OGDH: variants seen among roughly 807,000 people sequenced by gnomAD.
OGDH encodes the protein 2-oxoglutarate dehydrogenase complex component E1.
Under a neutral mutation model 116.6 loss-of-function variants are expected in OGDH, and 38 were observed. That is an observed-to-expected ratio of 0.33 (90% CI 0.25 to 0.43). The LOEUF (loss-of-function observed/expected upper bound fraction) is 0.43, where lower values mean the gene tolerates loss of function less well. Ranked by LOEUF, OGDH falls within the 20% of genes least tolerant of loss-of-function variation. OGDH has a pLI of 1.00. For synonymous variants in OGDH, 488 were observed against 533.3 expected (o/e 0.92, Z 1.17); for missense variants, 825 against 1,357.2 (o/e 0.61, Z 6.16).
At chr7:44,630,097 T>C (rs1785375692) in intron 2 of OGDH, among the ~76,000 whole-genome samples, 2 of 152,244 alleles carry the variant, frequency 1.3e-5, no homozygotes, top group Non-Finnish European at 2.9e-5. Flanking sequence ...GTGTTTTCTA[T>C]GGGTGAAACT....
Position 44,645,315 on chromosome 7 carries a change from C to T in OGDH, c.223-12C>T. On this transcript the variant is annotated splice_polypyrimidine_tract_variant and intron_variant, in intron 2 of 22. Coordinates refer to ENST00000222673, the MANE Select transcript of OGDH (RefSeq NM_002541.4). The stretch of plus-strand genomic sequence containing the variant: ...GAGCAGTGAGGTAACCCTGTACCTT[C>T]TTTGTCTTTAGTCATGGGACATTTT... 6.2e-7 allele frequency: 1 copy of T among 1,612,994 alleles called. No homozygotes were observed. The highest frequency in any genetic ancestry group is 8.5e-7 in the Non-Finnish European group (1 of 1,179,286).
intron 10 of OGDH, among the ~76,000 whole-genome samples, chr7:44,692,406 T>C (rs1405654960): frequency 6.6e-6 from 1 of 152,200 alleles, no homozygotes; most frequent in Admixed American, 6.5e-5. Context: ...AACTGCAAAG[T>C]TACCAACAAG....
At chr7:44,607,828 A>C (rs567299760) in intron 1 of OGDH, among the ~76,000 whole-genome samples, 573 of 152,036 alleles carry the variant, frequency 3.8e-3, no homozygotes, top group South Asian at 6.9e-3. Context: ...CAGCCTCCCA[A>C]GTAGCTGATA....
At position 44,696,514 on chromosome 7, in the gene OGDH, T is replaced by C. The variant is rs113823811; in HGVS notation, c.1857T>C (p.Asn619=). ...AGGATATTCTGACACACATCGGGAA[T>C]GTGGCTAGTTCTGTGCCTGTGGAAA... is the stretch of plus-strand genomic sequence containing the variant. ...LTEDILTHIG[N]VASSVPVENF... is the part of the protein sequence containing the mutation. Residue 619 remains asparagine (N), a synonymous_variant, in exon 14 of 23, where the codon AAT becomes AAC. Coordinates refer to ENST00000222673, the MANE Select transcript of OGDH (RefSeq NM_002541.4). The C allele has an allele frequency of 1.4e-3, 2,315 of 1,614,226 alleles. 33 individuals carry two copies. The African/African-American group carries it at 0.027, about 19-fold the overall frequency.
chr7:44,696,437 A>G lies in OGDH; in HGVS notation c.1780A>G (p.Thr594Ala). ...WLDSPWPGFFTLDGQPRSMSC... is the reference protein window; with the variant it reads ...WLDSPWPGFFALDGQPRSMSC... ...TGTTCTTCTTCTCCTAGGCTTCTTC[A>G]CCCTGGACGGGCAGCCCAGGAGCAT... Residue 594 changes from threonine (T) to alanine (A), a missense_variant, in exon 14 of 23, where the codon ACC (threonine) becomes GCC (alanine). Thr to Ala is a moderately conservative substitution (Grantham distance 58). Coordinates refer to ENST00000222673, the MANE Select transcript of OGDH (RefSeq NM_002541.4). The G allele has an allele frequency of 2.5e-6, 4 of 1,613,220 alleles. No homozygotes were observed. Among genetic ancestry groups the G allele is most frequent in the Non-Finnish European group, 3.4e-6 (4 of 1,179,750 alleles).
intron 2 of OGDH, among the ~76,000 whole-genome samples, chr7:44,639,244 G>T (rs1031573874): frequency 6.6e-6 from 1 of 152,170 alleles, no homozygotes; most frequent in Non-Finnish European, 1.5e-5. Flanking sequence ...TGGAGAAGAG[G>T]TATCTCCTTG....
intron 2 of OGDH, among the ~76,000 whole-genome samples, chr7:44,636,183 A>T (rs931521297): frequency 6.6e-6 from 1 of 152,248 alleles, no homozygotes; most frequent in South Asian, 2.1e-4. Context: ...AGTCAGTCCT[A>T]CTGGTCTGTG....
intron 12 of OGDH, 68 bp from the exon 13 acceptor site, chr7:44,695,957 G>C (rs1788563964): frequency 1.2e-6 from 1 of 842,092 alleles, no homozygotes; most frequent in Non-Finnish European, 2.0e-6. Context: ...AAAGTGTGGG[G>C]GTACAGGTGG....
chr7:44,705,225 TGTATTTTTA>T (rs1460950114), intron 20 of OGDH, among the ~76,000 whole-genome samples: 3 of 147,978 alleles, frequency 2.0e-5, no homozygotes, highest in Non-Finnish European at 4.4e-5. Flanking sequence ...GCTAATTTTT[TGTATTTTTA>T]GTAGAGACGG....
At chr7:44,695,933 G>A (rs1020139014) in intron 12 of OGDH, 92 bp from the exon 13 acceptor site, 7 of 719,764 alleles carry the variant, frequency 9.7e-6, no homozygotes, top group Admixed American at 2.0e-5. Flanking sequence ...TTGGGCTTGC[G>A]TGGTGGCTGT....
chr7:44,679,175 CAA>C (rs924101248), intron 9 of OGDH, among the ~76,000 whole-genome samples: 1 of 152,188 alleles, frequency 6.6e-6, no homozygotes, highest in Non-Finnish European at 1.5e-5. Context: ...AATACCATGA[CAA>C]GAGGAAGACT....
intron 10 of OGDH, among the ~76,000 whole-genome samples, chr7:44,685,224 G>A (rs992849978): frequency 7.9e-5 from 12 of 152,030 alleles, no homozygotes; most frequent in South Asian, 2.1e-4. Context: ...AAACTGTTTC[G>A]TCTCCAACAG....
At chr7:44,653,362 G>A (rs1786538769) in intron 4 of OGDH, among the ~76,000 whole-genome samples, 1 of 152,092 alleles carries the variant, frequency 6.6e-6, no homozygotes, top group African/African-American at 2.4e-5. Flanking sequence ...CAAAGTGTTG[G>A]GATTACAGAG....
At chr7:44,621,339 G>A (rs1433225330) in intron 1 of OGDH, among the ~76,000 whole-genome samples, 6 of 152,182 alleles carry the variant, frequency 3.9e-5, no homozygotes, top group African/African-American at 1.4e-4. Context: ...ACCCCAAAGT[G>A]CTAGGATTAT....
At position 44,708,249 on chromosome 7, in the gene OGDH, G is replaced by A; in HGVS notation, c.*250G>A. The stretch of plus-strand genomic sequence containing the variant: ...TCCAGGAGGCCGGGGGGAGCAGGAG[G>A]AGGAAAGGTAGCCCCCGAGGGATGT... On this transcript the variant is annotated 3_prime_UTR_variant, in exon 23 of 23. Transcript: ENST00000222673. 4.2e-6 allele frequency: 2 copies of A among 474,802 alleles called. No individual in the cohort carries two copies. Among genetic ancestry groups the A allele is most frequent in the Non-Finnish European group, 7.5e-6 (2 of 267,762 alleles). 29.4% of individuals were successfully genotyped at this position (474,802 alleles called of 1,614,324 possible).
intron 1 of OGDH, among the ~76,000 whole-genome samples, chr7:44,613,835 T>C (rs1289995031): frequency 6.8e-6 from 1 of 146,530 alleles, no homozygotes; most frequent in Non-Finnish European, 1.5e-5. Context: ...AGATGGCATT[T>C]TGCTGTTGTT....
At chr7:44,616,816 C>CATATATATAA (rs1562610928) in intron 1 of OGDH, among the ~76,000 whole-genome samples, 1 of 102,372 alleles carries the variant, frequency 9.8e-6, no homozygotes, top group African/African-American at 4.0e-5. Context: ...TGCATATATA[C>CATATATATAA]GTATATATGT....
chr7:44,608,773 G>A (rs2117196535), intron 1 of OGDH, among the ~76,000 whole-genome samples: 1 of 151,882 alleles, frequency 6.6e-6, no homozygotes, highest in Non-Finnish European at 1.5e-5. Context: ...TAGATTTTTA[G>A]GTAATTTTTG....
intron 3 of OGDH, 38 bp downstream of exon 3, chr7:44,645,556 C>T: frequency 6.2e-7 from 1 of 1,600,046 alleles, no homozygotes; most frequent in South Asian, 1.1e-5. Context: ...GGAAAGGGTG[C>T]AGTGTTCCTT....
Sources: gnomAD v4.1 joint callset for allele counts (sites outside exome capture counted in the v4.1 genomes callset) on GRCh38, gnomAD v4.1.1 for gene constraint, MANE v1.5 for transcripts, NCBI Gene and HGNC (gene_info 2026-07-23, HGNC 2026-07-21) for gene names.